Variants in BRI3 observed in about 807,000 individuals in gnomAD.
BRI3 encodes membrane protein BRI3.
BRI3 carries 6 observed loss-of-function variants against 12.8 expected under a neutral mutation model. The ratio of observed to expected loss-of-function variants is 0.47; its 90% CI spans 0.26 to 0.93. BRI3 has a LOEUF of 0.93. BRI3 is among the 40% of genes least tolerant of loss of function. The pLI, the probability that BRI3 is intolerant of heterozygous loss-of-function variation, is 0.15. For missense variants in BRI3, 134 were observed against 171.1 expected, an observed-to-expected ratio of 0.78 and a Z score of 1.21; for synonymous variants, 91 against 76.1, an observed-to-expected ratio of 1.20 and a Z score of -1.02.
At chr7:98,284,436 C>T (rs1799641419) in intron 2 of BRI3, among the ~76,000 whole-genome samples, 1 of 152,212 alleles carries the variant, frequency 6.6e-6, no homozygotes, top group African/African-American at 2.4e-5. Flanking sequence ...GGGTGCTCTG[C>T]TGCTGGCGTG....
downstream of BRI3, chr7:98,312,334 G>A (rs935881863): frequency 1.6e-5 from 24 of 1,479,238 alleles, no homozygotes; most frequent in South Asian, 2.9e-4. Context: ...ATGACATCAC[G>A]TCATATCGCT....
At chr7:98,318,699 C>T in the BRI3 span, among the ~76,000 whole-genome samples, 2 of 151,298 alleles carry the variant, frequency 1.3e-5, no homozygotes, top group South Asian at 4.3e-4. Flanking sequence ...AATCCCAGCA[C>T]TTTAGGAGGC....
the BRI3 span, among the ~76,000 whole-genome samples, chr7:98,321,750 G>A: frequency 5.9e-5 from 9 of 152,236 alleles, no homozygotes; most frequent in Middle Eastern, 3.4e-3. Context: ...AAACAATGCC[G>A]ACCAACAGCA....
At chr7:98,282,325 C>G (rs996703287) in intron 1 of BRI3, 26 bp from the exon 2 acceptor site, 5 of 1,582,284 alleles carry the variant, frequency 3.2e-6, no homozygotes, top group South Asian at 1.1e-5. Context: ...TCCCTGCACC[C>G]TAATGACCTG....
At chr7:98,316,217 C>T in the BRI3 span, among the ~76,000 whole-genome samples, 1 of 152,186 alleles carries the variant, frequency 6.6e-6, no homozygotes, top group African/African-American at 2.4e-5. Context: ...CCTTCCCTTC[C>T]ACCATGATTG....
downstream of BRI3, chr7:98,312,238 C>T: frequency 6.2e-7 from 1 of 1,613,028 alleles, no homozygotes; most frequent in African/African-American, 1.3e-5. Flanking sequence ...GCCACCGAGG[C>T]AGCTTGGAAT....
rs559898953 is a variant in BRI3 at position 98,291,259 on chromosome 7, CG to C, written c.*18del. 4.7e-5 allele frequency: 75 copies of C among 1,612,364 alleles called. No homozygotes were observed. The African/African-American group carries it at 9.5e-4, about 20-fold the overall frequency. The stretch of plus-strand genomic sequence containing the variant: ...CTTCGCTTAAAGGGAACACCAGGCC[CG>C]GCTTTCCTACACCCAGCTCTCTTTT... On this transcript the variant is annotated 3_prime_UTR_variant, in exon 3 of 3. Transcript: ENST00000297290.
chr7:98,296,398 G>A (rs1800193352), downstream of BRI3, among the ~76,000 whole-genome samples: 1 of 152,202 alleles, frequency 6.6e-6, no homozygotes, highest in Non-Finnish European at 1.5e-5. Flanking sequence ...GGCTGAGGTG[G>A]GCGCATCACC....
At position 98,282,332 on chromosome 7, in the gene BRI3, C is replaced by T. The variant is rs1394366632; in HGVS notation, c.143-19C>T. The T allele has an allele frequency of 3.8e-6, 6 of 1,599,184 alleles. No individual in the cohort carries two copies. In the Admixed American group the frequency reaches 6.7e-5, roughly 18 times the overall value. On this transcript the variant is annotated intron_variant, in intron 1 of 2. Coordinates refer to ENST00000297290, the MANE Select transcript of BRI3 (RefSeq NM_015379.5). Reference sequence around the variant, plus strand: ...ATTTCTCCTCCCTGCACCCTAATGACCTGCTTTCCCGCCCACAGGGATACC... The same window carrying T: ...ATTTCTCCTCCCTGCACCCTAATGATCTGCTTTCCCGCCCACAGGGATACC...
At chr7:98,298,144 C>T (rs1800266528) in intron 1 of BRI3, among the ~76,000 whole-genome samples, 1 of 152,240 alleles carries the variant, frequency 6.6e-6, no homozygotes, top group Non-Finnish European at 1.5e-5. Flanking sequence ...CCCCTGCCCC[C>T]TTGGGAGAAG....
At chr7:98,319,736 A>G in the BRI3 span, among the ~76,000 whole-genome samples, 1 of 152,074 alleles carries the variant, frequency 6.6e-6, no homozygotes, top group African/African-American at 2.4e-5. Context: ...TTTTGAGTAG[A>G]GATGGGGTTT....
intron 2 of BRI3, among the ~76,000 whole-genome samples, chr7:98,286,602 G>A (rs897490585): frequency 3.9e-5 from 6 of 152,142 alleles, no homozygotes; most frequent in African/African-American, 9.7e-5. Flanking sequence ...CAGGTGTTCC[G>A]GGGCAGGGGT....
chr7:98,302,527 AAC>A (rs1350104597), upstream of BRI3, among the ~76,000 whole-genome samples: 1 of 152,226 alleles, frequency 6.6e-6, no homozygotes, highest in African/African-American at 2.4e-5. Flanking sequence ...GCAAAACAGC[AAC>A]AGACTCTGAG....
At chr7:98,315,455 C>A in the BRI3 span, 1 of 1,421,450 alleles carries the variant, frequency 7.0e-7, no homozygotes. Context: ...TGCCACCACA[C>A]CCACCTGTAA....
chr7:98,322,294 C>A, the BRI3 span, among the ~76,000 whole-genome samples: 1 of 152,150 alleles, frequency 6.6e-6, no homozygotes. Flanking sequence ...CACTGGCCAC[C>A]CAGGCTTCCC....
intron 1 of BRI3, among the ~76,000 whole-genome samples, chr7:98,300,298 A>C (rs913145006): frequency 6.6e-6 from 1 of 152,180 alleles, no homozygotes; most frequent in Non-Finnish European, 1.5e-5. Flanking sequence ...GAGCAGCACC[A>C]ATGCGTCTGT....
Position 98,300,054 on chromosome 7 carries a change from T to TAAAC in BRI3, c.72-6417_72-6414dup, listed in dbSNP as rs758987637. Among the ~76,000 whole-genome samples the TAAAC allele has an allele frequency of 9.7e-4, 148 of 152,172 alleles. 2 individuals carry two copies. The highest frequency in any genetic ancestry group is 3.4e-3 in the African/African-American group (141 of 41,518). ...AGACTCCGTCTCATAAATAAATAAATAAACAAACAAACAAATGTAAACGTC... is the reference window on the plus strand; with the variant it reads ...AGACTCCGTCTCATAAATAAATAAATAAACAAACAAACAAACAAATGTAAACGTC... On this transcript the variant is annotated intron_variant and NMD_transcript_variant, in intron 1 of 2. Transcript: ENST00000491463.
At chr7:98,322,957 A>G in the BRI3 span, 1 of 152,340 alleles carries the variant, frequency 6.6e-6, no homozygotes, top group South Asian at 2.1e-4. Flanking sequence ...AGATAAGCAG[A>G]ACTTGCAGGG....
chr7:98,289,494 T>C (rs146244596), intron 2 of BRI3, among the ~76,000 whole-genome samples: 2,336 of 152,314 alleles, frequency 0.015, 28 homozygotes, highest in Non-Finnish European at 0.025. Context: ...TTTCTCCCCT[T>C]AGCAAGGCAC....
Sources: gnomAD v4.1 joint callset for allele counts (sites outside exome capture counted in the v4.1 genomes callset) on GRCh38, gnomAD v4.1.1 for gene constraint, MANE v1.5 for transcripts, NCBI Gene and HGNC (gene_info 2026-07-23, HGNC 2026-07-21) for gene names.